Variants in DRICH1 observed in about 807,000 individuals in gnomAD.
DRICH1 encodes the protein aspartate rich 1.
A neutral mutation model predicts 39.5 loss-of-function variants in DRICH1; 38 were observed. The ratio of observed to expected loss-of-function variants is 0.96; its 90% CI spans 0.74 to 1.26. DRICH1 has a LOEUF of 1.26. Among genes scored for constraint, DRICH1 ranks in the 50% most tolerant of loss-of-function variants. The pLI is 0.00. For synonymous variants in DRICH1, 84 were observed against 99.5 expected, an observed-to-expected ratio of 0.84 and a Z score of 0.93; for missense variants, 279 against 270.4, an observed-to-expected ratio of 1.03 and a Z score of -0.22.
chr22:23,596,891 C>G, the DRICH1 span, among the ~76,000 whole-genome samples: 1 of 151,672 alleles, frequency 6.6e-6, no homozygotes, highest in Non-Finnish European at 1.5e-5. Flanking sequence ...TTCAAGTCCT[C>G]TACTTCTTTA....
At chr22:23,616,955 T>A (rs1927391457) in intron 7 of DRICH1, 81 bp from the exon 8 acceptor site, 1 of 1,517,122 alleles carries the variant, frequency 6.6e-7, no homozygotes, top group Admixed American at 1.7e-5. Context: ...AGTCTCTTGA[T>A]GACTTCACAA....
chr22:23,632,189 G>T lies in DRICH1; in HGVS notation c.-166C>A. On this transcript the variant is annotated 5_prime_UTR_variant, in exon 1 of 12. Coordinates refer to ENST00000317749, the MANE Select transcript of DRICH1 (RefSeq NM_016449.4). Reference sequence around the variant, plus strand: ...TATTCTGCCGCCACCTCCCAAACTAGCTGGTCTATGAGGTCAGGGACCTGC... The same window carrying T: ...TATTCTGCCGCCACCTCCCAAACTATCTGGTCTATGAGGTCAGGGACCTGC... 8.8e-7 allele frequency: 1 copy of T among 1,130,586 alleles called. No homozygotes were observed. The highest frequency in any genetic ancestry group is 1.2e-6 in the Non-Finnish European group (1 of 811,278). 70.0% of individuals were successfully genotyped at this position (1,130,586 alleles called of 1,614,324 possible).
At chr22:23,618,940 G>A (rs1374818132) in intron 6 of DRICH1, among the ~76,000 whole-genome samples, 3 of 152,010 alleles carry the variant, frequency 2.0e-5, no homozygotes, top group South Asian at 2.1e-4. Context: ...TTGGGAGGCC[G>A]AGGTGGGGGG....
chr22:23,588,039 C>A, the DRICH1 span, among the ~76,000 whole-genome samples: 1 of 152,286 alleles, frequency 6.6e-6, no homozygotes, highest in Non-Finnish European at 1.5e-5. Flanking sequence ...TCGCATGGAG[C>A]CCAGTCTCAT....
chr22:23,610,102 A>C (rs1926955530), intron 11 of DRICH1, among the ~76,000 whole-genome samples: 1 of 151,512 alleles, frequency 6.6e-6, no homozygotes, highest in Non-Finnish European at 1.5e-5. Flanking sequence ...CCCCAGCACC[A>C]CACCACCAGA....
In DRICH1 at chr22:23,623,348, T is replaced by C. The variant is rs551356695; in HGVS notation, c.299-1172A>G. Reference sequence around the variant, plus strand: ...TGCACCCAGGAGGCAGAGGTAGAAGTGAGCAGAGATCACATCACTGCACCC... The same window carrying C: ...TGCACCCAGGAGGCAGAGGTAGAAGCGAGCAGAGATCACATCACTGCACCC... On this transcript the variant is annotated intron_variant, in intron 3 of 11. Coordinates refer to ENST00000317749, the MANE Select transcript of DRICH1 (RefSeq NM_016449.4). 4.2e-4 allele frequency among the ~76,000 whole-genome samples: 63 copies of C among 151,528 alleles called. 1 individual carries two copies. In the South Asian group the frequency reaches 0.013, roughly 30 times the overall value.
At chr22:23,595,891 A>G in the DRICH1 span, among the ~76,000 whole-genome samples, 2 of 152,136 alleles carry the variant, frequency 1.3e-5, no homozygotes, top group African/African-American at 4.8e-5. Context: ...AGACCCTAGG[A>G]CTCTCCATGG....
chr22:23,591,331 T>C, the DRICH1 span, among the ~76,000 whole-genome samples: 1 of 152,152 alleles, frequency 6.6e-6, no homozygotes, highest in African/African-American at 2.4e-5. Flanking sequence ...ACTTACACTC[T>C]CAAGGACTGC....
chr22:23,624,948 C>T, intron 2 of DRICH1, 44 bp from the exon 3 acceptor site: 1 of 1,599,602 alleles, frequency 6.3e-7, no homozygotes, highest in Non-Finnish European at 8.6e-7. Context: ...CAGATCAATT[C>T]TGCTGCACCC....
chr22:23,597,502 CAAA>C, the DRICH1 span, among the ~76,000 whole-genome samples: 14 of 106,392 alleles, frequency 1.3e-4, no homozygotes, highest in African/African-American at 1.4e-4. Context: ...GACCCTGTCT[CAAA>C]AAAAAAAAAA....
At chr22:23,602,531 A>G in the DRICH1 span, among the ~76,000 whole-genome samples, 5 of 152,266 alleles carry the variant, frequency 3.3e-5, no homozygotes, top group Admixed American at 3.3e-4. Flanking sequence ...CTAAAAATAC[A>G]AAAATTACCC....
chr22:23,610,559 T>C (rs1279533734), intron 11 of DRICH1: 1 of 152,272 alleles, frequency 6.6e-6, no homozygotes, highest in Non-Finnish European at 1.5e-5. Flanking sequence ...GATCAGATAA[T>C]TGGTGATGCT....
intron 11 of DRICH1, among the ~76,000 whole-genome samples, chr22:23,610,098 C>A (rs1378952562): frequency 6.6e-6 from 1 of 152,138 alleles, no homozygotes; most frequent in African/African-American, 2.4e-5. Flanking sequence ...TCCTCCCCAG[C>A]ACCACACCAC....
the DRICH1 span, among the ~76,000 whole-genome samples, chr22:23,589,677 T>C: frequency 6.6e-6 from 1 of 152,198 alleles, no homozygotes; most frequent in Middle Eastern, 3.4e-3. Context: ...AGAAGAAACA[T>C]CCTCACTCTT....
chr22:23,632,630 G>A (rs9624239), upstream of DRICH1, among the ~76,000 whole-genome samples: 18,765 of 151,910 alleles, frequency 0.12, 1,466 homozygotes, highest in Middle Eastern at 0.19. Context: ...TGGTATGGCC[G>A]GGAGTGGTGG....
chr22:23,625,179 T>C (rs1243557443), intron 2 of DRICH1, among the ~76,000 whole-genome samples: 4 of 152,160 alleles, frequency 2.6e-5, no homozygotes, highest in Non-Finnish European at 5.9e-5. Flanking sequence ...TGCATTACAG[T>C]TGATGATGGA....
intron 7 of DRICH1, among the ~76,000 whole-genome samples, chr22:23,617,343 G>A (rs1239093156): frequency 1.3e-5 from 2 of 152,158 alleles, no homozygotes; most frequent in South Asian, 4.1e-4. Flanking sequence ...AGTGGTCCAT[G>A]TTTAATACAA....
intron 1 of DRICH1, chr22:23,630,846 C>T (rs1928346712): frequency 6.6e-6 from 1 of 152,190 alleles, no homozygotes; most frequent in Non-Finnish European, 1.5e-5. Flanking sequence ...CAGGCAGGCT[C>T]TCCAGACAGA....
chr22:23,626,066 T>A lies in DRICH1; in HGVS notation c.209-18A>T. Reference sequence around the variant, plus strand: ...AGGGGGACCTAAAAGGACACAGAGTTAATGTCAGTGCCCTGGTGGTTGGAG... The same window carrying A: ...AGGGGGACCTAAAAGGACACAGAGTAAATGTCAGTGCCCTGGTGGTTGGAG... On this transcript the variant is annotated intron_variant, in intron 1 of 11. Coordinates refer to ENST00000317749, the MANE Select transcript of DRICH1 (RefSeq NM_016449.4). The A allele has an allele frequency of 6.3e-7, 1 of 1,591,604 alleles. No homozygotes were observed. Among genetic ancestry groups the A allele is most frequent in the Non-Finnish European group, 8.6e-7 (1 of 1,160,518 alleles).
Sources: gnomAD v4.1 joint callset for allele counts (sites outside exome capture counted in the v4.1 genomes callset) on GRCh38, gnomAD v4.1.1 for gene constraint, MANE v1.5 for transcripts, NCBI Gene and HGNC (gene_info 2026-07-23, HGNC 2026-07-21) for gene names.